The following VEPH1 variants were observed in gnomAD, a reference collection of about 807,000 sequenced individuals.
The protein encoded by VEPH1 is ventricular zone-expressed PH domain-containing protein homolog 1.
Under a neutral mutation model 85.2 loss-of-function variants are expected in VEPH1, and 80 were observed. The observed-to-expected ratio is 0.94, with a 90% confidence interval of 0.78 to 1.13. The LOEUF is 1.13. Ranked by LOEUF, VEPH1 falls within the 50% of genes most tolerant of loss-of-function variation. The pLI, the probability that VEPH1 is intolerant of heterozygous loss-of-function variation, is 0.00. For synonymous variants in VEPH1, 297 were observed against 348.0 expected, an observed-to-expected ratio of 0.85 and a Z score of 1.63; for missense variants, 955 against 980.5, an observed-to-expected ratio of 0.97 and a Z score of 0.35.
At chr3:157,265,973 C>T (rs374893500) in intron 12 of VEPH1, among the ~76,000 whole-genome samples, 1 of 150,002 alleles carries the variant, frequency 6.7e-6, no homozygotes, top group Non-Finnish European at 1.5e-5. Flanking sequence ...TTCTTTGTTT[C>T]ATAGTGTTCT....
chr3:157,489,713 T>C (rs1577799718), intron 2 of VEPH1, among the ~76,000 whole-genome samples: 1 of 19,768 alleles, frequency 5.1e-5, no homozygotes, highest in African/African-American at 3.6e-4. Context: ...GTCAGAGGGC[T>C]TTTTTTTTTT....
rs565482063 is a variant in VEPH1, at chr3:157,470,379, A to G, written c.289T>C (p.Phe97Leu). The G allele has an allele frequency of 6.2e-7, 1 of 1,614,066 alleles. No homozygotes were observed. The highest frequency in any genetic ancestry group is 1.7e-5 in the Admixed American group (1 of 59,990). The change falls in exon 3 of 14, where the codon TTT (phenylalanine) becomes CTT (leucine). Residue 97 changes from phenylalanine (F) to leucine (L), a missense_variant. Physicochemically the swap from Phe to Leu is conservative, Grantham distance 22. Coordinates refer to ENST00000362010, the MANE Select transcript of VEPH1 (RefSeq NM_001167912.2). ...TGAGGAGTGTCTTCGTCTTTCCCAA[A>G]GGGTCTCAGGTTATGTTCCAAGCAG... ...DSCLEHNLRP[F>L]GKDEDTPHAK... is the part of the protein sequence containing the mutation.
intron 4 of VEPH1, among the ~76,000 whole-genome samples, chr3:157,430,817 A>G (rs1414578102): frequency 6.6e-6 from 1 of 152,210 alleles, no homozygotes; most frequent in Non-Finnish European, 1.5e-5. Context: ...TATAGCTGTT[A>G]TTAGAAATTA....
chr3:157,445,084 C>G (rs1734438256), intron 4 of VEPH1, among the ~76,000 whole-genome samples: 1 of 152,086 alleles, frequency 6.6e-6, no homozygotes, highest in African/African-American at 2.4e-5. Flanking sequence ...GATTCTTTTC[C>G]TCCTTCTGTC....
intron 1 of VEPH1, among the ~76,000 whole-genome samples, chr3:157,495,963 T>C (rs1340400193): frequency 6.6e-6 from 1 of 152,196 alleles, no homozygotes; most frequent in African/African-American, 2.4e-5. Context: ...AAACCAGTGC[T>C]TACCTCTTGG....
chr3:157,323,425 T>G (rs1286967062), intron 9 of VEPH1, among the ~76,000 whole-genome samples: 1 of 152,198 alleles, frequency 6.6e-6, no homozygotes, highest in Non-Finnish European at 1.5e-5. Context: ...AAATCTCTCA[T>G]TTGTTGAGAA....
chr3:157,483,123 T>TACACACACACACACACACAC (rs60205276), intron 2 of VEPH1, among the ~76,000 whole-genome samples: 153 of 147,034 alleles, frequency 1.0e-3, no homozygotes, highest in Non-Finnish European at 1.3e-3. Context: ...TTTAAAAGCA[T>TACACACACACACACACACAC]ACACACACAC....
At chr3:157,369,889 A>G (rs1343426524) in intron 7 of VEPH1, among the ~76,000 whole-genome samples, 3 of 152,152 alleles carry the variant, frequency 2.0e-5, no homozygotes, top group Non-Finnish European at 4.4e-5. Context: ...TGGCAGATCC[A>G]TGGGTCCTGT....
At chr3:157,462,108 CT>C (rs1338842285) in intron 3 of VEPH1, among the ~76,000 whole-genome samples, 1 of 148,388 alleles carries the variant, frequency 6.7e-6, no homozygotes, top group African/African-American at 2.5e-5. Context: ...TATATACACA[CT>C]CTTCCAATCC....
intron 9 of VEPH1, among the ~76,000 whole-genome samples, chr3:157,362,471 T>C (rs1220951069): frequency 6.6e-6 from 1 of 152,186 alleles, no homozygotes; most frequent in Non-Finnish European, 1.5e-5. Flanking sequence ...CTTCTTTCTT[T>C]TAAGCCACCT....
intron 2 of VEPH1, among the ~76,000 whole-genome samples, chr3:157,483,031 C>T (rs1339106110): frequency 6.6e-6 from 1 of 151,594 alleles, no homozygotes; most frequent in Non-Finnish European, 1.5e-5. Context: ...GAACAAGGAC[C>T]ACATAGTTAT....
At chr3:157,470,903 A>T (rs1736888086) in intron 2 of VEPH1, among the ~76,000 whole-genome samples, 1 of 152,110 alleles carries the variant, frequency 6.6e-6, no homozygotes, top group Admixed American at 6.5e-5. Context: ...AAATGTTTCA[A>T]ATTACCCTTC....
chr3:157,437,469 C>G (rs1037059134), intron 4 of VEPH1: 9 of 1,571,138 alleles, frequency 5.7e-6, no homozygotes, highest in Non-Finnish European at 7.8e-6. Context: ...ACATCCAAGG[C>G]AGGCCTGGGC....
At chr3:157,465,824 C>T (rs998606471) in intron 3 of VEPH1, among the ~76,000 whole-genome samples, 9 of 152,224 alleles carry the variant, frequency 5.9e-5, no homozygotes, top group African/African-American at 2.2e-4. Context: ...GGAGATTATT[C>T]TATTACCCCT....
chr3:157,489,050 C>T, intron 2 of VEPH1: 1 of 453,272 alleles, frequency 2.2e-6, no homozygotes, highest in East Asian at 7.0e-5. Context: ...CATCTGAACA[C>T]TTACCACCAC....
chr3:157,452,963 C>A (rs998412277), intron 4 of VEPH1, among the ~76,000 whole-genome samples: 1 of 152,182 alleles, frequency 6.6e-6, no homozygotes, highest in African/African-American at 2.4e-5. Flanking sequence ...CCATTCCCTG[C>A]TTTGAGGGTG....
intron 11 of VEPH1, among the ~76,000 whole-genome samples, chr3:157,303,211 G>A (rs1379181204): frequency 1.3e-5 from 2 of 152,100 alleles, no homozygotes; most frequent in East Asian, 3.9e-4. Context: ...CTCATTGCCA[G>A]GAAAACTTGT....
intron 3 of VEPH1, among the ~76,000 whole-genome samples, chr3:157,463,480 T>C (rs1347374390): frequency 6.6e-6 from 1 of 152,164 alleles, no homozygotes; most frequent in Non-Finnish European, 1.5e-5. Flanking sequence ...CTCTGACGAC[T>C]TCCCTGAATG....
intron 2 of VEPH1, among the ~76,000 whole-genome samples, chr3:157,471,172 G>A (rs1736920776): frequency 6.6e-6 from 1 of 152,120 alleles, no homozygotes; most frequent in South Asian, 2.1e-4. Flanking sequence ...AACTTCACAT[G>A]GTGGACTCAC....
Sources: gnomAD v4.1 joint callset for allele counts (sites outside exome capture counted in the v4.1 genomes callset) on GRCh38, gnomAD v4.1.1 for gene constraint, MANE v1.5 for transcripts, NCBI Gene and HGNC (gene_info 2026-07-23, HGNC 2026-07-21) for gene names.